CLSTN2: variants seen among roughly 807,000 people sequenced by gnomAD.
CLSTN2 encodes calsyntenin 2, also known as calsyntenin-2.
In CLSTN2, 48 loss-of-function variants were observed where a neutral mutation model predicts 101.2. The observed-to-expected ratio is 0.47, with a 90% CI of 0.38 to 0.60. The LOEUF is 0.60. Ranked by LOEUF, CLSTN2 falls within the 20% of genes least tolerant of loss-of-function variation. The probability of loss-of-function intolerance (pLI) is 0.00; values close to 1 mark genes in which losing one functional copy is unlikely to be tolerated. For synonymous variants in CLSTN2, 481 were observed against 463.6 expected, an observed-to-expected ratio of 1.04 and a Z score of -0.48; for missense variants, 1,160 against 1,238.2, an observed-to-expected ratio of 0.94 and a Z score of 0.95.
At chr3:140,131,552 A>G (rs1425861975) in intron 1 of CLSTN2, among the ~76,000 whole-genome samples, 1 of 152,210 alleles carries the variant, frequency 6.6e-6, no homozygotes, top group Non-Finnish European at 1.5e-5. Context: ...TAGAATGAAT[A>G]TCCACAGCCC....
chr3:140,044,352 A>C (rs1263935958), intron 1 of CLSTN2, among the ~76,000 whole-genome samples: 2 of 152,168 alleles, frequency 1.3e-5, no homozygotes, highest in Non-Finnish European at 2.9e-5. Context: ...ATGTATAAGA[A>C]TGCTTGTGAT....
rs1206889001 is a variant in CLSTN2, at chr3:140,239,914, CATATTT to C, written c.232+63844_232+63849del. On this transcript the variant is annotated intron_variant, in intron 2 of 16. Coordinates refer to ENST00000458420, the MANE Select transcript of CLSTN2 (RefSeq NM_022131.3). ...GTGTGTATACATACACACAAACACT[CATATTT>C]ATGTATATATATGTGTATATATATA... 3.5e-5 allele frequency among the ~76,000 whole-genome samples: 3 copies of C among 86,422 alleles called. No individual in the cohort carries two copies. In the East Asian group the frequency reaches 1.1e-3, roughly 32 times the overall value. 56.7% of individuals were successfully genotyped at this position (86,422 alleles called of 152,430 possible).
At chr3:140,462,495 T>C (rs922357515) in intron 7 of CLSTN2, among the ~76,000 whole-genome samples, 4 of 152,242 alleles carry the variant, frequency 2.6e-5, no homozygotes, top group African/African-American at 7.2e-5. Flanking sequence ...AAGCTTTTGC[T>C]GTAAATTGTC....
At position 140,429,095 on chromosome 3, in the gene CLSTN2, T is replaced by A. The variant is rs181258917; in HGVS notation, c.787+7821T>A. On this transcript the variant is annotated intron_variant, in intron 5 of 16. Coordinates refer to ENST00000458420, the MANE Select transcript of CLSTN2 (RefSeq NM_022131.3). ...GCAGAAAGACAGCATCTAATCAGCA[T>A]TAGATTAGCAGCAACTAATCTAATG... Among the ~76,000 whole-genome samples the A allele has an allele frequency of 2.4e-4, 36 of 152,260 alleles. 1 individual carries two copies. The East Asian group carries it at 5.2e-3, about 22-fold the overall frequency.
At chr3:140,402,774 A>G (rs1268226499) in intron 2 of CLSTN2, among the ~76,000 whole-genome samples, 2 of 152,172 alleles carry the variant, frequency 1.3e-5, no homozygotes, top group East Asian at 3.9e-4. Context: ...TACGGATGAC[A>G]CAGTAGAGGC....
At chr3:140,106,545 A>G (rs2009062469) in intron 1 of CLSTN2, among the ~76,000 whole-genome samples, 1 of 152,216 alleles carries the variant, frequency 6.6e-6, no homozygotes, top group African/African-American at 2.4e-5. Flanking sequence ...CACTGCTCAC[A>G]GCTTCACACT....
chr3:140,429,092 G>T (rs1464202274), intron 5 of CLSTN2, among the ~76,000 whole-genome samples: 1 of 152,148 alleles, frequency 6.6e-6, no homozygotes, highest in Non-Finnish European at 1.5e-5. Flanking sequence ...CATCTAATCA[G>T]CATTAGATTA....
chr3:140,100,301 C>T (rs747167820), intron 1 of CLSTN2, among the ~76,000 whole-genome samples: 3 of 152,120 alleles, frequency 2.0e-5, no homozygotes, highest in Non-Finnish European at 4.4e-5. Context: ...TTCCCTCCTT[C>T]TCCCTCCCCT....
chr3:140,315,146 C>G (rs191273833), intron 2 of CLSTN2, among the ~76,000 whole-genome samples: 1 of 152,328 alleles, frequency 6.6e-6, no homozygotes, highest in East Asian at 1.9e-4. Context: ...TCACCCACAT[C>G]CGTGGATCCT....
At chr3:140,272,568 G>A (rs1448492885) in intron 2 of CLSTN2, among the ~76,000 whole-genome samples, 1 of 152,118 alleles carries the variant, frequency 6.6e-6, no homozygotes, top group Admixed American at 6.5e-5. Context: ...TGGCCAACAT[G>A]CCAAAATCCT....
intron 1 of CLSTN2, among the ~76,000 whole-genome samples, chr3:139,968,137 C>T (rs1312520391): frequency 2.6e-5 from 4 of 152,178 alleles, no homozygotes; most frequent in Non-Finnish European, 5.9e-5. Flanking sequence ...CCCTGTTGAA[C>T]ACATAAAGTG....
chr3:140,516,839 A>G (rs973895056), intron 8 of CLSTN2, among the ~76,000 whole-genome samples: 16 of 152,292 alleles, frequency 1.1e-4, no homozygotes, highest in Admixed American at 9.2e-4. Flanking sequence ...TAAATTTCCA[A>G]GGTGTTCTTT....
intron 2 of CLSTN2, among the ~76,000 whole-genome samples, chr3:140,259,366 C>T (rs1357423684): frequency 6.6e-6 from 1 of 152,008 alleles, no homozygotes; most frequent in Non-Finnish European, 1.5e-5. Flanking sequence ...CCCAGCTACT[C>T]AGGAGGCTAA....
intron 1 of CLSTN2, among the ~76,000 whole-genome samples, chr3:139,969,583 G>A (rs1225455492): frequency 6.6e-6 from 1 of 152,146 alleles, no homozygotes; most frequent in African/African-American, 2.4e-5. Context: ...GCACCCACCT[G>A]TCTTTCTAGC....
chr3:140,110,678 C>G (rs2009140079), intron 1 of CLSTN2, among the ~76,000 whole-genome samples: 1 of 151,764 alleles, frequency 6.6e-6, no homozygotes, highest in South Asian at 2.1e-4. Context: ...GCTAAGGTTC[C>G]TTGAAGTTTG....
chr3:140,329,566 C>T (rs1345757037), intron 2 of CLSTN2, among the ~76,000 whole-genome samples: 3 of 152,006 alleles, frequency 2.0e-5, no homozygotes, highest in South Asian at 2.1e-4. Context: ...TGAGATATGG[C>T]TTATAAATGC....
chr3:140,360,482 G>A (rs2087718771), intron 2 of CLSTN2, among the ~76,000 whole-genome samples: 1 of 152,194 alleles, frequency 6.6e-6, no homozygotes, highest in African/African-American at 2.4e-5. Context: ...CAAAGGAGTT[G>A]TCATTTGAAT....
At chr3:139,986,973 C>T (rs1032205630) in intron 1 of CLSTN2, among the ~76,000 whole-genome samples, 3 of 152,228 alleles carry the variant, frequency 2.0e-5, no homozygotes, top group Admixed American at 6.5e-5. Flanking sequence ...ACTGTTCTTA[C>T]GCACTCTCCT....
At chr3:140,254,453 T>C (rs2107878087) in intron 2 of CLSTN2, among the ~76,000 whole-genome samples, 1 of 152,340 alleles carries the variant, frequency 6.6e-6, no homozygotes, top group East Asian at 1.9e-4. Flanking sequence ...TTTATGAAAT[T>C]TCAAAGGCTA....
Sources: allele counts gnomAD v4.1 joint callset (sites outside exome capture counted in the v4.1 genomes callset), GRCh38; gene constraint gnomAD v4.1.1; transcripts MANE v1.5; gene names NCBI Gene and HGNC (gene_info 2026-07-23, HGNC 2026-07-21).